The following SLC25A21 variants were observed in gnomAD, a reference collection of about 807,000 sequenced individuals.
The protein encoded by SLC25A21 is mitochondrial 2-oxodicarboxylate carrier.
SLC25A21 carries 47 observed loss-of-function variants against 43.8 expected under a neutral mutation model. The ratio of observed to expected loss-of-function variants is 1.07; its 90% CI spans 0.85 to 1.37. The LOEUF (loss-of-function observed/expected upper bound fraction) is 1.37, where lower values mean the gene tolerates loss of function less well. Ranked by LOEUF, SLC25A21 falls within the 40% of genes most tolerant of loss-of-function variation. The pLI is 0.00. For synonymous variants in SLC25A21, 131 were observed against 121.3 expected (o/e 1.08, Z -0.52); for missense variants, 352 against 350.2 (o/e 1.00, Z -0.04).
chr14:37,110,965 T>A (rs887819006), intron 1 of SLC25A21, among the ~76,000 whole-genome samples: 4 of 151,310 alleles, frequency 2.6e-5, no homozygotes, highest in Non-Finnish European at 5.9e-5. Context: ...AAAAAAAAAA[T>A]CACAGATATC....
At chr14:36,960,080 G>A (rs1161431516) in intron 1 of SLC25A21, among the ~76,000 whole-genome samples, 1 of 152,160 alleles carries the variant, frequency 6.6e-6, no homozygotes, top group Non-Finnish European at 1.5e-5. Context: ...ACAGTGCAAA[G>A]GTCCATGGAT....
chr14:36,866,745 A>G (rs1890224916), intron 2 of SLC25A21, among the ~76,000 whole-genome samples: 1 of 152,180 alleles, frequency 6.6e-6, no homozygotes, highest in Non-Finnish European at 1.5e-5. Flanking sequence ...CCATGTGGCT[A>G]TGGAGCATTT....
chr14:37,127,084 G>GAA (rs1182894779), intron 1 of SLC25A21, among the ~76,000 whole-genome samples: 1 of 152,068 alleles, frequency 6.6e-6, no homozygotes, highest in Non-Finnish European at 1.5e-5. Context: ...TAGGGAAAAG[G>GAA]AAAAAGAAGA....
intron 1 of SLC25A21, among the ~76,000 whole-genome samples, chr14:37,152,766 T>A (rs1043136161): frequency 2.2e-4 from 34 of 152,266 alleles, no homozygotes; most frequent in African/African-American, 7.9e-4. Flanking sequence ...GCAAAAAACT[T>A]ACAAACATGT....
chr14:36,747,999 C>T (rs1885562932), intron 3 of SLC25A21, among the ~76,000 whole-genome samples: 1 of 152,144 alleles, frequency 6.6e-6, no homozygotes, highest in Admixed American at 6.6e-5. Flanking sequence ...GTGCACAATG[C>T]TTTACAATTA....
intron 2 of SLC25A21, among the ~76,000 whole-genome samples, chr14:36,868,059 C>A (rs1219996940): frequency 6.6e-6 from 1 of 151,664 alleles, no homozygotes; most frequent in Non-Finnish European, 1.5e-5. Flanking sequence ...GAGACAAGCT[C>A]CCCCAAAATG....
intron 2 of SLC25A21, among the ~76,000 whole-genome samples, chr14:36,863,413 G>A (rs1046346639): frequency 1.3e-5 from 2 of 150,838 alleles, no homozygotes; most frequent in Non-Finnish European, 2.9e-5. Context: ...AGACAAAACA[G>A]AAATTAAAGA....
intron 7 of SLC25A21, among the ~76,000 whole-genome samples, chr14:36,701,874 A>C (rs142196206): frequency 2.0e-5 from 3 of 152,316 alleles, no homozygotes; most frequent in African/African-American, 7.2e-5. Flanking sequence ...CTAGCAAGCC[A>C]GGTTCCCAAA....
chr14:37,155,912 A>G (rs1476198642), intron 1 of SLC25A21, among the ~76,000 whole-genome samples: 1 of 152,086 alleles, frequency 6.6e-6, no homozygotes, highest in African/African-American at 2.4e-5. Flanking sequence ...TAATCCTAGC[A>G]TTTTGGGAGA....
In SLC25A21 at chr14:36,841,709, G is replaced by A. The variant is rs547242622; in HGVS notation, c.120-27708C>T. 1.7e-4 allele frequency among the ~76,000 whole-genome samples: 26 copies of A among 152,216 alleles called. 1 individual carries two copies. The highest frequency in any genetic ancestry group is 1.0e-3 in the South Asian group (5 of 4,822). ...ATGCATACCTTGCCCAAGAACGTAC[G>A]GTGGTTCCCTATTGCCTAGCCCATC... On this transcript the variant is annotated intron_variant, in intron 2 of 9. Coordinates refer to ENST00000331299, the MANE Select transcript of SLC25A21 (RefSeq NM_030631.4).
chr14:36,749,173 T>C (rs12432280), intron 3 of SLC25A21, among the ~76,000 whole-genome samples: 22,232 of 152,214 alleles, frequency 0.15, 2,058 homozygotes, highest in South Asian at 0.28. Flanking sequence ...ATAAATCCTC[T>C]ACTATGTGGC....
chr14:36,930,106 A>G (rs1024195062), intron 1 of SLC25A21, among the ~76,000 whole-genome samples: 2 of 152,258 alleles, frequency 1.3e-5, no homozygotes, highest in Admixed American at 1.3e-4. Context: ...AGTTAGGAAG[A>G]CTTCAGATGC....
intron 2 of SLC25A21, among the ~76,000 whole-genome samples, chr14:36,825,987 T>A (rs921920762): frequency 1.5e-4 from 23 of 152,166 alleles, no homozygotes; most frequent in Admixed American, 1.4e-3. Context: ...TTATTGAGTA[T>A]AAAAGAGCAA....
intron 1 of SLC25A21, among the ~76,000 whole-genome samples, chr14:36,907,330 T>C (rs1258690936): frequency 6.6e-6 from 1 of 152,128 alleles, no homozygotes; most frequent in Non-Finnish European, 1.5e-5. Flanking sequence ...AGAGCATATA[T>C]TTTTGGCTTG....
At chr14:36,847,978 C>T (rs954744244) in intron 2 of SLC25A21, among the ~76,000 whole-genome samples, 5 of 152,150 alleles carry the variant, frequency 3.3e-5, no homozygotes, top group Admixed American at 2.0e-4. Context: ...GTGATACACA[C>T]TGAACAGAGG....
In SLC25A21 at chr14:36,899,352, T is replaced by G. The variant is rs761569504; in HGVS notation, c.71-24348A>C. ...GGATCCCAAAGCATATCATGATGTCTAATAAAGGAAGACAAATTATAAATA... is the reference window on the plus strand; with the variant it reads ...GGATCCCAAAGCATATCATGATGTCGAATAAAGGAAGACAAATTATAAATA... On this transcript the variant is annotated intron_variant, in intron 1 of 9. Transcript: ENST00000331299. 8.1e-4 allele frequency among the ~76,000 whole-genome samples: 124 copies of G among 152,310 alleles called. 1 individual carries two copies. The highest frequency in any genetic ancestry group is 1.3e-3 in the Non-Finnish European group (89 of 68,024).
chr14:37,031,788 CTGAAG>C (rs1265759605), intron 1 of SLC25A21, among the ~76,000 whole-genome samples: 4 of 151,636 alleles, frequency 2.6e-5, no homozygotes, highest in Non-Finnish European at 5.9e-5. Flanking sequence ...TATGAGGCTA[CTGAAG>C]CCTTCAAAGA....
At chr14:36,900,605 A>G (rs753876005) in intron 1 of SLC25A21, among the ~76,000 whole-genome samples, 1 of 152,154 alleles carries the variant, frequency 6.6e-6, no homozygotes, top group Non-Finnish European at 1.5e-5. Flanking sequence ...TAGGAATTCT[A>G]ATTTATAGTT....
At chr14:37,099,028 C>G (rs1962765176) in intron 1 of SLC25A21, among the ~76,000 whole-genome samples, 1 of 151,922 alleles carries the variant, frequency 6.6e-6, no homozygotes, top group African/African-American at 2.4e-5. Context: ...GTCTTGAACC[C>G]CCGACCTCAA....
Sources: allele counts gnomAD v4.1 joint callset (sites outside exome capture counted in the v4.1 genomes callset), GRCh38; gene constraint gnomAD v4.1.1; transcripts MANE v1.5; gene names NCBI Gene and HGNC (gene_info 2026-07-23, HGNC 2026-07-21).